The following ADAM29 variants were observed in gnomAD, a reference collection of about 807,000 sequenced individuals.
The protein encoded by ADAM29 is disintegrin and metalloproteinase domain-containing protein 29.
For synonymous variants in ADAM29, 367 were observed against 342.3 expected (o/e 1.07, Z -0.80); for missense variants, 969 against 1,001.8 (o/e 0.97, Z 0.44).
At chr4:174,945,885 G>A (rs1332379448) in intron 4 of ADAM29, among the ~76,000 whole-genome samples, 7 of 152,052 alleles carry the variant, frequency 4.6e-5, no homozygotes. Context: ...TGCCATTTTG[G>A]TTACTGTAGT....
At position 174,958,135 on chromosome 4, in the gene ADAM29, T is replaced by G. The variant is rs149397838; in HGVS notation, c.-180-17211T>G. Among the ~76,000 whole-genome samples, 760 of 151,996 alleles carry G rather than the reference T, an allele frequency of 5.0e-3. 4 individuals carry two copies. Among genetic ancestry groups the G allele is most frequent in the African/African-American group, 0.018 (729 of 41,556 alleles). On this transcript the variant is annotated intron_variant, in intron 4 of 4. Coordinates refer to ENST00000359240, the MANE Select transcript of ADAM29 (RefSeq NM_014269.4). The stretch of plus-strand genomic sequence containing the variant: ...GCTTAAATATGTGTTTTGCTGTTTT[T>G]AAATAGAGTGTTCTATAAACGTCAA...
At chr4:174,926,142 AT>A (rs1212510415) in intron 2 of ADAM29, among the ~76,000 whole-genome samples, 1 of 152,210 alleles carries the variant, frequency 6.6e-6, no homozygotes, top group African/African-American at 2.4e-5. Flanking sequence ...TTGAATAAGA[AT>A]GGTAGTCACT....
chr4:174,952,035 A>G (rs998885254), intron 4 of ADAM29, among the ~76,000 whole-genome samples: 5 of 152,224 alleles, frequency 3.3e-5, no homozygotes, highest in African/African-American at 7.2e-5. Context: ...CCACACAAAT[A>G]TGATAAGTAT....
At chr4:174,962,970 T>G (rs929758132) in intron 4 of ADAM29, among the ~76,000 whole-genome samples, 2 of 152,120 alleles carry the variant, frequency 1.3e-5, no homozygotes, top group East Asian at 3.9e-4. Context: ...CCAAATCCAC[T>G]GAAAAACTTT....
intron 4 of ADAM29, among the ~76,000 whole-genome samples, chr4:174,974,296 A>T (rs1308917067): frequency 6.6e-6 from 1 of 152,190 alleles, no homozygotes; most frequent in Non-Finnish European, 1.5e-5. Flanking sequence ...ATTTTTGTCT[A>T]TGCCTGTTGG....
intron 2 of ADAM29, among the ~76,000 whole-genome samples, chr4:174,925,281 T>C (rs533378702): frequency 2.0e-5 from 3 of 152,318 alleles, no homozygotes; most frequent in East Asian, 3.9e-4. Context: ...GGTTCTTTCA[T>C]TGTGAAACAT....
chr4:174,928,475 G>T (rs1743648935), intron 2 of ADAM29, among the ~76,000 whole-genome samples: 1 of 150,552 alleles, frequency 6.6e-6, no homozygotes, highest in Non-Finnish European at 1.5e-5. Context: ...TGTCACAAAC[G>T]ACTGCATTGT....
chr4:174,974,518 G>T (rs1390043020), intron 4 of ADAM29, among the ~76,000 whole-genome samples: 1 of 152,108 alleles, frequency 6.6e-6, no homozygotes, highest in Non-Finnish European at 1.5e-5. Flanking sequence ...ATTGTATTTA[G>T]AACGAAGGAT....
chr4:174,960,336 A>G (rs1344056759), intron 4 of ADAM29, among the ~76,000 whole-genome samples: 1 of 152,118 alleles, frequency 6.6e-6, no homozygotes, highest in East Asian at 1.9e-4. Context: ...ATTATGGATT[A>G]TTTAGAAGTT....
At chr4:174,952,034 TATG>T (rs1225880627) in intron 4 of ADAM29, among the ~76,000 whole-genome samples, 3 of 152,290 alleles carry the variant, frequency 2.0e-5, no homozygotes, top group Middle Eastern at 3.4e-3. Context: ...ACCACACAAA[TATG>T]ATAAGTATGT....
Position 174,976,804 on chromosome 4 carries a change from T to C in ADAM29, c.1279T>C (p.Ser427Pro), listed in dbSNP as rs1404155716. ...TTGTGCAAAAGATCCCTGCTGTCTG[T>C]CAAATTGCACTCTGACTGATGGTTC... is the stretch of plus-strand genomic sequence containing the variant. ...KHCAKDPCCL[S>P]NCTLTDGSTC... Residue 427 changes from serine (S) to proline (P), a missense_variant, in exon 5 of 5, where the codon TCA becomes CCA. Transcript: ENST00000359240. 2 of 1,614,108 alleles carry C rather than the reference T, an allele frequency of 1.2e-6. No homozygotes were observed. Among genetic ancestry groups the C allele is most frequent in the Admixed American group, 3.3e-5 (2 of 60,004 alleles).
chr4:174,923,560 T>TATATATATATATATATATATAG (rs70947473), intron 2 of ADAM29, among the ~76,000 whole-genome samples: 2 of 115,892 alleles, frequency 1.7e-5, no homozygotes, highest in African/African-American at 3.5e-5. Flanking sequence ...TATATATATA[T>TATATATATATATATATATATAG]ACACACACAC....
chr4:174,937,066 A>C (rs560883690), intron 4 of ADAM29, 53 bp downstream of exon 4: 1 of 152,028 alleles, frequency 6.6e-6, no homozygotes, highest in Non-Finnish European at 1.5e-5. Flanking sequence ...TTTAATTTCT[A>C]TCACAATAAA....
Position 174,935,409 on chromosome 4 carries a change from G to A in ADAM29, c.-261-1524G>A, listed in dbSNP as rs1744147084. Among the ~76,000 whole-genome samples, 3 of 152,046 alleles carry A rather than the reference G, an allele frequency of 2.0e-5. No homozygotes were observed. The South Asian group carries it at 6.2e-4, about 32-fold the overall frequency. On this transcript the variant is annotated intron_variant, in intron 3 of 4. Transcript: ENST00000359240. ...CAGGACACTTTTGGGACACTATGAG[G>A]TTTGGGACCACAGGGAACCATTCTC...
intron 2 of ADAM29, among the ~76,000 whole-genome samples, chr4:174,927,637 G>A (rs991357230): frequency 6.6e-6 from 1 of 152,150 alleles, no homozygotes; most frequent in Admixed American, 6.5e-5. Flanking sequence ...AGTTTTGTCT[G>A]TTGATCTTGT....
intron 4 of ADAM29, among the ~76,000 whole-genome samples, chr4:174,951,973 A>T (rs1041615520): frequency 6.6e-6 from 1 of 152,162 alleles, no homozygotes; most frequent in African/African-American, 2.4e-5. Context: ...AATTAATAAC[A>T]ATATATTGTA....
chr4:174,974,654 A>C (rs2111112071), intron 4 of ADAM29, among the ~76,000 whole-genome samples: 1 of 152,378 alleles, frequency 6.6e-6, no homozygotes, highest in Admixed American at 6.5e-5. Flanking sequence ...TTTCACTCCA[A>C]GAACAATCAG....
intron 4 of ADAM29, among the ~76,000 whole-genome samples, chr4:174,949,343 G>A (rs771292741): frequency 6.6e-6 from 1 of 152,168 alleles, no homozygotes; most frequent in Non-Finnish European, 1.5e-5. Flanking sequence ...CCATTCCCAT[G>A]CCAAATCTTC....
intron 4 of ADAM29, among the ~76,000 whole-genome samples, chr4:174,969,026 T>A (rs929624312): frequency 2.0e-5 from 3 of 151,354 alleles, no homozygotes; most frequent in African/African-American, 7.3e-5. Context: ...GATGAGAGGA[T>A]CTTCACCCTA....
Sources: allele counts gnomAD v4.1 joint callset (sites outside exome capture counted in the v4.1 genomes callset), GRCh38; gene constraint gnomAD v4.1.1; transcripts MANE v1.5; gene names NCBI Gene and HGNC (gene_info 2026-07-23, HGNC 2026-07-21).